ZNF728: variants seen among roughly 807,000 people sequenced by gnomAD.
ZNF728 encodes the protein zinc finger protein 728.
A neutral mutation model predicts 12.5 loss-of-function variants in ZNF728; 12 were observed. The ratio of observed to expected loss-of-function variants is 0.96; its 90% CI spans 0.61 to 1.55. The LOEUF is 1.55. ZNF728 is among the 40% of genes most tolerant of loss of function. ZNF728 has a pLI of 0.00. For synonymous variants in ZNF728, 205 were observed against 240.7 expected (o/e 0.85, Z 1.37); for missense variants, 692 against 719.2 (o/e 0.96, Z 0.43).
intron 1 of ZNF728, among the ~76,000 whole-genome samples, chr19:23,000,319 A>G (rs923609665): frequency 2.6e-5 from 4 of 151,776 alleles, no homozygotes; most frequent in African/African-American, 9.7e-5. Context: ...CAGAGCTTGC[A>G]GTGAGCCGAG....
chr19:22,987,470 C>G lies in ZNF728; in HGVS notation c.131-67G>C, dbSNP rs1334428075. The G allele has an allele frequency of 2.1e-6, 3 of 1,414,922 alleles. No individual in the cohort carries two copies. In the East Asian group the frequency reaches 7.4e-5, roughly 35 times the overall value. 87.6% of individuals were successfully genotyped at this position (1,414,922 alleles called of 1,614,324 possible). A position where few individuals can be genotyped will look rare whatever the true frequency, so the allele number is the denominator to read the frequency against. ...CTCCAATTAACAACTTAGTAATGTG[C>G]TCAGTAAAGAGGATGTGATAGAATA... is the stretch of plus-strand genomic sequence containing the variant. On this transcript the variant is annotated intron_variant, in intron 2 of 3. Coordinates refer to ENST00000594710, the MANE Select transcript of ZNF728 (RefSeq NM_001267716.2).
chr19:22,995,247 T>G (rs1249014393), intron 1 of ZNF728: 2 of 152,196 alleles, frequency 1.3e-5, no homozygotes, highest in Admixed American at 6.5e-5. Flanking sequence ...GCTCTCATTC[T>G]GAGAAAGATT....
chr19:22,987,381 G>T lies in ZNF728; in HGVS notation c.153C>A (p.Asp51Glu). 6.2e-7 allele frequency: 1 copy of T among 1,609,302 alleles called. No individual in the cohort carries two copies. The highest frequency in any genetic ancestry group is 1.1e-5 in the South Asian group (1 of 90,232). The change falls in exon 3 of 4, where the codon GAC (aspartate) becomes GAA (glutamate). Residue 51 changes from aspartate (D) to glutamate (E), a missense_variant. Asp to Glu is a conservative substitution (Grantham distance 45, BLOSUM62 2). Around this residue, in one of 3 missense-constraint regions of ZNF728, gnomAD observed 440 missense variants for 459.6 expected, o/e 0.96. Transcript: ENST00000594710. ...TTCCTTGCTCCAGAAAAATGATCAG[G>T]TCTGGCTTAGGGGCAGCAATACCTG... is the stretch of plus-strand genomic sequence containing the variant. Reference protein sequence around the residue: ...VFLGIAAPKPDLIIFLEQGKE... With the variant: ...VFLGIAAPKPELIIFLEQGKE...
At chr19:22,989,813 G>T (rs531545581) in intron 1 of ZNF728, among the ~76,000 whole-genome samples, 1 of 152,076 alleles carries the variant, frequency 6.6e-6, no homozygotes, top group South Asian at 2.1e-4. Context: ...GAATTTCCTG[G>T]GTAATAAATA....
chr19:22,982,655 A>C (rs1163304645), intron 3 of ZNF728, among the ~76,000 whole-genome samples: 1 of 152,198 alleles, frequency 6.6e-6, no homozygotes. Flanking sequence ...TACTGGTATC[A>C]AAACAGATAT....
chr19:22,997,607 TA>T (rs1969062388), intron 1 of ZNF728, among the ~76,000 whole-genome samples: 1 of 151,326 alleles, frequency 6.6e-6, no homozygotes, highest in South Asian at 2.1e-4. Context: ...CTGAGAGCAG[TA>T]AAAGCAAATC....
intron 1 of ZNF728, among the ~76,000 whole-genome samples, chr19:22,999,789 T>C (rs894037227): frequency 6.6e-6 from 1 of 152,158 alleles, no homozygotes; most frequent in Non-Finnish European, 1.5e-5. Flanking sequence ...GGAACACTTC[T>C]AGGAGGTACC....
At chr19:22,979,258 A>G (rs1968837065) in intron 3 of ZNF728, among the ~76,000 whole-genome samples, 2 of 152,220 alleles carry the variant, frequency 1.3e-5, no homozygotes, top group African/African-American at 4.8e-5. Flanking sequence ...GGAAGAAAGG[A>G]TATCAGAGAC....
intron 1 of ZNF728, among the ~76,000 whole-genome samples, chr19:22,989,716 C>A (rs968911807): frequency 2.0e-5 from 3 of 152,144 alleles, no homozygotes; most frequent in Non-Finnish European, 2.9e-5. Flanking sequence ...ATACAGATAT[C>A]TCCCATGTTC....
In ZNF728 at chr19:22,976,445, T is replaced by C; in HGVS notation, c.892A>G (p.Thr298Ala). Residue 298 changes from threonine to alanine, a missense_variant, in exon 4 of 4, where the codon ACC (threonine) becomes GCC (alanine). Physicochemically the swap from Thr to Ala is moderately conservative, Grantham distance 58. Transcript: ENST00000594710. ...TGAATTGTCTTATGTGCAGTAAGGG[T>C]TGAGGCCTTACTAAAGGCTTTGCCA... ...ECGKAFSKAS[T>A]LTAHKTIHAG... is the part of the protein sequence containing the mutation. 2 of 1,612,982 alleles carry C rather than the reference T, an allele frequency of 1.2e-6. No homozygotes were observed. The highest frequency in any genetic ancestry group is 1.1e-5 in the South Asian group (1 of 91,070).
At chr19:22,988,601 C>T (rs1968946037) in intron 1 of ZNF728, 150 bp from the exon 2 acceptor site, 9 of 1,177,952 alleles carry the variant, frequency 7.6e-6, no homozygotes, top group African/African-American at 3.1e-5. Context: ...TTCAACACAA[C>T]AATATTCTCT....
chr19:22,977,476 C>A (rs141491231), intron 3 of ZNF728, among the ~76,000 whole-genome samples: 68 of 152,140 alleles, frequency 4.5e-4, no homozygotes, highest in African/African-American at 1.6e-3. Flanking sequence ...AAAATATTGG[C>A]ACATACAATT....
chr19:22,997,998 C>T (rs1000064182), intron 1 of ZNF728, among the ~76,000 whole-genome samples: 6 of 151,950 alleles, frequency 3.9e-5, no homozygotes, highest in South Asian at 2.1e-4. Context: ...CCAGTGAGAA[C>T]GGCCATTATT....
chr19:22,994,840 C>T (rs554520408), intron 1 of ZNF728: 75 of 152,416 alleles, frequency 4.9e-4, no homozygotes, highest in African/African-American at 1.8e-3. Flanking sequence ...GTTTCCCTCT[C>T]CTGGTGGCTA....
chr19:22,989,659 G>A (rs1968962776), intron 1 of ZNF728, among the ~76,000 whole-genome samples: 1 of 152,166 alleles, frequency 6.6e-6, no homozygotes, highest in Non-Finnish European at 1.5e-5. Context: ...GTAAATTATA[G>A]TCTGAATTTA....
At position 23,003,123 on chromosome 19, in the gene ZNF728, C is replaced by T. The variant is rs1248749349; in HGVS notation, c.-93G>A. On this transcript the variant is annotated 5_prime_UTR_variant, in exon 1 of 4. Transcript: ENST00000594710. ...TAGAAGCTGGGCCTTTAGGAGCGGA[C>T]GACACACAGCAGTAAGGACGACACC... 25 of 1,431,528 alleles carry T rather than the reference C, an allele frequency of 1.7e-5. No individual in the cohort carries two copies. Among genetic ancestry groups the T allele is most frequent in the Non-Finnish European group, 2.3e-5 (24 of 1,062,428 alleles). The allele number at this position is 1,431,528 out of a possible 1,614,324, so 88.7% of individuals were successfully genotyped here.
chr19:22,996,172 T>C lies in ZNF728; in HGVS notation c.3+6856A>G, dbSNP rs1258631064. On this transcript the variant is annotated intron_variant, in intron 1 of 3. Coordinates refer to ENST00000594710, the MANE Select transcript of ZNF728 (RefSeq NM_001267716.2). ...AGGTATGTAATATTTTAAAAAATTA[T>C]CTGAACTGTAATTCAGTTGAAACAC... 8.5e-5 allele frequency among the ~76,000 whole-genome samples: 13 copies of C among 152,320 alleles called. No homozygotes were observed. In the East Asian group the frequency reaches 2.5e-3, roughly 29 times the overall value.
At position 22,976,987 on chromosome 19, in the gene ZNF728, C is replaced by T. The variant is rs1337392645; in HGVS notation, c.350G>A (p.Cys117Tyr). 6.2e-7 allele frequency: 1 copy of T among 1,613,434 alleles called. No individual in the cohort carries two copies. The highest frequency in any genetic ancestry group is 1.1e-5 in the South Asian group (1 of 91,060). The part of the protein sequence containing the change: ...GHENLQLKIG[C>Y]TNVDECKVHK... The stretch of plus-strand genomic sequence containing the variant: ...CACCTTACACTCATCCACATTGGTA[C>T]AACCAATTTTTAACTGTAAATTCTC... The change falls in exon 4 of 4, where the codon TGT (cysteine) becomes TAT (tyrosine). Residue 117 changes from cysteine (C) to tyrosine (Y), a missense_variant. Around this residue, in one of 3 missense-constraint regions of ZNF728, gnomAD observed 440 missense variants for 459.6 expected, o/e 0.96. Transcript: ENST00000594710.
chr19:22,984,265 A>G (rs1335507769), intron 3 of ZNF728, among the ~76,000 whole-genome samples: 2 of 150,866 alleles, frequency 1.3e-5, no homozygotes, highest in Non-Finnish European at 3.0e-5. Context: ...AAAAAAATTG[A>G]AAAAAAAATA....
Sources: allele counts gnomAD v4.1 joint callset (sites outside exome capture counted in the v4.1 genomes callset), GRCh38; gene constraint gnomAD v4.1.1; regional missense constraint gnomAD v4.1.1; transcripts MANE v1.5; gene names NCBI Gene and HGNC (gene_info 2026-07-23, HGNC 2026-07-21).